Variants in RPTOR observed in about 807,000 individuals in gnomAD.
RPTOR encodes the protein regulatory associated protein of MTOR complex 1, also known as regulatory-associated protein of mTOR.
Under a neutral mutation model 169.9 loss-of-function variants are expected in RPTOR, and 21 were observed. The ratio of observed to expected loss-of-function variants is 0.12; its 90% CI spans 0.09 to 0.18. The LOEUF is 0.18. Among genes scored for constraint, RPTOR ranks in the 10% least tolerant of loss-of-function variants. RPTOR has a pLI of 1.00. For missense variants in RPTOR, 1,133 were observed against 1,855.9 expected (o/e 0.61, Z 7.16); for synonymous variants, 732 against 753.2 (o/e 0.97, Z 0.46).
chr17:80,825,148 G>A (rs1324160148), intron 9 of RPTOR, among the ~76,000 whole-genome samples: 2 of 147,330 alleles, frequency 1.4e-5, no homozygotes, highest in South Asian at 2.2e-4. Flanking sequence ...GCCACGTGGC[G>A]AGGCCAGTAT....
Position 80,659,253 on chromosome 17 carries a change from C to T in RPTOR, c.348+15443C>T, listed in dbSNP as rs77313023. Among the ~76,000 whole-genome samples the T allele has an allele frequency of 2.2e-3, 330 of 152,252 alleles. 6 individuals carry two copies. Among genetic ancestry groups the T allele is most frequent in the East Asian group, 0.019 (97 of 5,176 alleles). The stretch of plus-strand genomic sequence containing the variant: ...GGGTGAAATGTAGGCTCCATGGCTC[C>T]GAGGGGGAAGTGGGCTCAGAAGAGT... On this transcript the variant is annotated intron_variant, in intron 3 of 33. Transcript: ENST00000306801. The surrounding 1 kb of genome is among the most constrained non-coding windows in gnomAD (Gnocchi z 4.3).
intron 3 of RPTOR, among the ~76,000 whole-genome samples, chr17:80,693,915 G>T (rs777566658): frequency 1.3e-5 from 2 of 152,214 alleles, no homozygotes; most frequent in Non-Finnish European, 2.9e-5. Context: ...GGTCCGGAGC[G>T]TCCACGCAGC....
At chr17:80,775,905 C>T (rs527399586) in intron 6 of RPTOR, among the ~76,000 whole-genome samples, 1 of 152,256 alleles carries the variant, frequency 6.6e-6, no homozygotes, top group South Asian at 2.1e-4. Flanking sequence ...TTGAAGATCA[C>T]TGATTTTATA....
intron 3 of RPTOR, among the ~76,000 whole-genome samples, chr17:80,680,905 A>G (rs1052674257): frequency 6.6e-6 from 1 of 152,104 alleles, no homozygotes; most frequent in African/African-American, 2.4e-5. Flanking sequence ...GACCCAGCAG[A>G]TGGGCTTTGA....
chr17:80,551,699 C>T (rs887392293), intron 1 of RPTOR, among the ~76,000 whole-genome samples: 32 of 152,102 alleles, frequency 2.1e-4, no homozygotes, highest in African/African-American at 7.5e-4. Context: ...TTCCTCTTGT[C>T]TCAACTGCAA....
chr17:80,864,371 A>AGTG (rs1567956115), intron 13 of RPTOR, among the ~76,000 whole-genome samples: 35 of 124,570 alleles, frequency 2.8e-4, no homozygotes, highest in East Asian at 4.7e-4. Flanking sequence ...AAAAGGTGAG[A>AGTG]ATGATGGCAA....
At chr17:80,750,415 AG>A (rs527321317) in intron 5 of RPTOR, among the ~76,000 whole-genome samples, 34 of 152,322 alleles carry the variant, frequency 2.2e-4, no homozygotes, top group African/African-American at 7.9e-4. Flanking sequence ...TCCACAGTTC[AG>A]GACTGTGTGC....
intron 28 of RPTOR, among the ~76,000 whole-genome samples, chr17:80,952,758 C>T (rs975315702): frequency 1.3e-5 from 2 of 151,800 alleles, no homozygotes; most frequent in African/African-American, 2.4e-5. Flanking sequence ...CCAGGAGGAT[C>T]GTGCCTGGGA....
At chr17:80,891,989 C>G (rs2068330947) in intron 18 of RPTOR, 152 bp downstream of exon 18, 1 of 534,230 alleles carries the variant, frequency 1.9e-6, no homozygotes, top group Admixed American at 3.1e-5. Flanking sequence ...TCTTTTTAGG[C>G]ACCTGCCAGA....
intron 1 of RPTOR, among the ~76,000 whole-genome samples, chr17:80,607,620 A>C (rs1164775719): frequency 1.4e-5 from 2 of 141,580 alleles, no homozygotes; most frequent in Admixed American, 1.4e-4. Flanking sequence ...TATATATATA[A>C]TTATTTTTAA....
chr17:80,575,888 C>G (rs963095149), intron 1 of RPTOR, among the ~76,000 whole-genome samples: 1 of 152,156 alleles, frequency 6.6e-6, no homozygotes, highest in African/African-American at 2.4e-5. Flanking sequence ...ATTTGTGCTT[C>G]ATTTATATTT....
At chr17:80,905,625 T>C (rs1178255342) in intron 20 of RPTOR, among the ~76,000 whole-genome samples, 2 of 148,826 alleles carry the variant, frequency 1.3e-5, no homozygotes, top group African/African-American at 4.9e-5. Flanking sequence ...TAGATGAAAG[T>C]AGCAGCTAAT....
rs1431943460 is a variant in RPTOR, at chr17:80,940,488, T to C, written c.2920-8T>C. 3 of 1,611,610 alleles carry C rather than the reference T, an allele frequency of 1.9e-6. No homozygotes were observed. The highest frequency in any genetic ancestry group is 2.7e-5 in the African/African-American group (2 of 74,836). On this transcript the variant is annotated splice_region_variant and splice_polypyrimidine_tract_variant and intron_variant, in intron 24 of 33. Coordinates refer to ENST00000306801, the MANE Select transcript of RPTOR (RefSeq NM_020761.3). ...CTGGGCTTAACTGGGTGTTTTCTGTTGTTGAAGATCCCAGAAGAGCACGAC... is the reference window on the plus strand; with the variant it reads ...CTGGGCTTAACTGGGTGTTTTCTGTCGTTGAAGATCCCAGAAGAGCACGAC...
chr17:80,621,200 A>G (rs948330812), intron 1 of RPTOR, among the ~76,000 whole-genome samples: 2 of 152,204 alleles, frequency 1.3e-5, no homozygotes, highest in Non-Finnish European at 2.9e-5. Flanking sequence ...GCTGACAGGC[A>G]CAGTGAGGTG....
intron 3 of RPTOR, among the ~76,000 whole-genome samples, chr17:80,706,618 C>T (rs2066143973): frequency 6.6e-6 from 1 of 152,342 alleles, no homozygotes; most frequent in South Asian, 2.1e-4. Flanking sequence ...TCCGTGCCCC[C>T]AGCCTCGCTG....
chr17:80,545,623 C>A lies in RPTOR; in HGVS notation c.-7C>A. 6.2e-7 allele frequency: 1 copy of A among 1,606,526 alleles called. No individual in the cohort carries two copies. Among genetic ancestry groups the A allele is most frequent in the Non-Finnish European group, 8.5e-7 (1 of 1,176,256 alleles). On this transcript the variant is annotated 5_prime_UTR_variant, in exon 1 of 34. Coordinates refer to ENST00000306801, the MANE Select transcript of RPTOR (RefSeq NM_020761.3). ...TGCCAAGGACTCCCCCACCCCCTCC[C>A]CCACTGATGGAGTCCGAAATGCTGC...
In RPTOR at chr17:80,564,843, C is replaced by T. The variant is rs557784613; in HGVS notation, c.162+19052C>T. On this transcript the variant is annotated intron_variant, in intron 1 of 33. Transcript: ENST00000306801. Reference sequence around the variant, plus strand: ...GCTCCCACTTATAAGTGAGAACATGCGGTGTTTGGTTTTCTGTTCCCGTGT... The same window carrying T: ...GCTCCCACTTATAAGTGAGAACATGTGGTGTTTGGTTTTCTGTTCCCGTGT... Among the ~76,000 whole-genome samples, 113 of 152,186 alleles carry T rather than the reference C, an allele frequency of 7.4e-4. 1 individual carries two copies. Among genetic ancestry groups the T allele is most frequent in the South Asian group, 1.2e-3 (6 of 4,810 alleles).
chr17:80,883,892 T>C lies in RPTOR; in HGVS notation c.1762T>C (p.Phe588Leu). The change falls in exon 16 of 34, where the codon TTC becomes CTC. Residue 588 changes from phenylalanine (F) to leucine (L), a missense_variant. Coordinates refer to ENST00000306801, the MANE Select transcript of RPTOR (RefSeq NM_020761.3). Reference sequence around the variant, plus strand: ...CTGCCTCGGCAGGATCTGGCAGAACTTCGACTCGGCGAGGTGGTGCGGCGT... The same window carrying C: ...CTGCCTCGGCAGGATCTGGCAGAACCTCGACTCGGCGAGGTGGTGCGGCGT... ...AICLGRIWQN[F>L]DSARWCGVRD... is the part of the protein sequence containing the mutation. 1 of 1,613,700 alleles carries C rather than the reference T, an allele frequency of 6.2e-7. No individual in the cohort carries two copies. Among genetic ancestry groups the C allele is most frequent in the East Asian group, 2.2e-5 (1 of 44,886 alleles).
At chr17:80,895,036 G>A (rs1416954735) in intron 20 of RPTOR, among the ~76,000 whole-genome samples, 3 of 152,348 alleles carry the variant, frequency 2.0e-5, no homozygotes, top group South Asian at 4.1e-4. Context: ...GCGATCTGCC[G>A]TGACTCCATT....
Sources: gnomAD v4.1 joint callset for allele counts (sites outside exome capture counted in the v4.1 genomes callset) on GRCh38, gnomAD v4.1.1 for gene constraint, Gnocchi (gnomAD v3.1) non-coding constraint, MANE v1.5 for transcripts, NCBI Gene and HGNC (gene_info 2026-07-23, HGNC 2026-07-21) for gene names.